MED20: variants seen among roughly 807,000 people sequenced by gnomAD.
The protein encoded by MED20 is mediator of RNA polymerase II transcription subunit 20.
MED20 carries 19 observed loss-of-function variants against 19.7 expected under a neutral mutation model. The ratio of observed to expected loss-of-function variants is 0.96; its 90% CI spans 0.67 to 1.42. The LOEUF is 1.42. MED20 is among the 40% of genes most tolerant of loss of function. The pLI is 0.00. For missense variants in MED20, 225 were observed against 273.0 expected, an observed-to-expected ratio of 0.82 and a Z score of 1.24; for synonymous variants, 105 against 104.8, an observed-to-expected ratio of 1.00 and a Z score of -0.01.
At chr6:41,914,428 G>A (rs927715854) in intron 2 of MED20, among the ~76,000 whole-genome samples, 1 of 152,216 alleles carries the variant, frequency 6.6e-6, no homozygotes, top group Non-Finnish European at 1.5e-5. Flanking sequence ...AGGGAAACAG[G>A]TACATGAGTG....
intron 1 of MED20, 164 bp downstream of exon 1, chr6:41,920,841 A>AG (rs1252836129): frequency 2.5e-6 from 2 of 787,258 alleles, no homozygotes; most frequent in Non-Finnish European, 3.8e-6. Context: ...CGCATCTCTG[A>AG]GGAAACAAGC....
At chr6:41,919,107 C>A (rs1393180277) in intron 1 of MED20, among the ~76,000 whole-genome samples, 1 of 119,976 alleles carries the variant, frequency 8.3e-6, no homozygotes, top group African/African-American at 3.4e-5. Flanking sequence ...CCAGCCTGGG[C>A]AACAGAGTGA....
At position 41,906,792 on chromosome 6, in the gene MED20, G is replaced by A. The variant is rs1775059260; in HGVS notation, c.*280C>T. On this transcript the variant is annotated 3_prime_UTR_variant, in exon 4 of 4. Coordinates refer to ENST00000265350, the MANE Select transcript of MED20 (RefSeq NM_004275.5). ...CTGTCCTACCTTTCCCCTAAAGGAG[G>A]CAAGGTCCAAACTTCTCCACTCTTC... is the stretch of plus-strand genomic sequence containing the variant. The A allele has an allele frequency of 7.3e-6, 3 of 411,500 alleles. No individual in the cohort carries two copies. The highest frequency in any genetic ancestry group is 7.9e-5 in the East Asian group (2 of 25,204). The allele number at this position is 411,500 out of a possible 1,614,324, so 25.5% of individuals were successfully genotyped here. A position where few individuals can be genotyped will look rare whatever the true frequency, so the allele number is the denominator to read the frequency against.
chr6:41,919,424 G>C (rs1292899267), intron 1 of MED20, among the ~76,000 whole-genome samples: 1 of 152,180 alleles, frequency 6.6e-6, no homozygotes, highest in East Asian at 1.9e-4. Context: ...TCAACTAAAT[G>C]AATCTATTAA....
chr6:41,920,484 C>T (rs1006098804), intron 1 of MED20, among the ~76,000 whole-genome samples: 4 of 152,190 alleles, frequency 2.6e-5, no homozygotes, highest in African/African-American at 9.7e-5. Flanking sequence ...GCAGGCAGTA[C>T]TATGGCCTCA....
rs754701496 is a variant in MED20 at position 41,907,304 on chromosome 6, C to T, written c.424-17G>A. 4 of 1,599,692 alleles carry T rather than the reference C, an allele frequency of 2.5e-6. No homozygotes were observed. Among genetic ancestry groups the T allele is most frequent in the Non-Finnish European group, 3.4e-6 (4 of 1,172,654 alleles). ...ATACTCCACCTGGGAACCAAAAGCA[C>T]AGAGAATGAGGGTGAATGAAGGCTA... is the stretch of plus-strand genomic sequence containing the variant. On this transcript the variant is annotated splice_polypyrimidine_tract_variant and intron_variant, in intron 3 of 3. Coordinates refer to ENST00000265350, the MANE Select transcript of MED20 (RefSeq NM_004275.5).
chr6:41,918,551 C>T (rs1775374551), intron 1 of MED20, among the ~76,000 whole-genome samples: 1 of 151,960 alleles, frequency 6.6e-6, no homozygotes, highest in Non-Finnish European at 1.5e-5. Flanking sequence ...CGGTGGCTCA[C>T]GCCTGTAATC....
rs950289166 is a variant in MED20 at position 41,905,359 on chromosome 6, T to C, written c.*1713A>G. The C allele has an allele frequency of 1.3e-5, 2 of 152,186 alleles. No individual in the cohort carries two copies. Among genetic ancestry groups the C allele is most frequent in the Non-Finnish European group, 2.9e-5 (2 of 68,024 alleles). The allele number at this position is 152,186 out of a possible 1,614,324, so 9.4% of individuals were successfully genotyped here. ...AAATCAGGAGGCCAAAAAGGTAAGA[T>C]CTGTGCGTTTTATTTTTGTAAACTA... On this transcript the variant is annotated 3_prime_UTR_variant, in exon 4 of 4. Coordinates refer to ENST00000265350, the MANE Select transcript of MED20 (RefSeq NM_004275.5).
intron 2 of MED20, among the ~76,000 whole-genome samples, chr6:41,909,769 A>C (rs553532699): frequency 6.6e-6 from 1 of 152,328 alleles, no homozygotes; most frequent in Non-Finnish European, 1.5e-5. Flanking sequence ...GCACACAGGG[A>C]ACTTTAATAG....
At chr6:41,914,022 A>C (rs765358226) in intron 2 of MED20, among the ~76,000 whole-genome samples, 1 of 152,222 alleles carries the variant, frequency 6.6e-6, no homozygotes, top group Non-Finnish European at 1.5e-5. Context: ...CTGTACTGGG[A>C]AGAGTCCAAA....
At chr6:41,912,199 CTTTT>C (rs887419565) in intron 2 of MED20, among the ~76,000 whole-genome samples, 2 of 119,276 alleles carry the variant, frequency 1.7e-5, no homozygotes, top group East Asian at 4.6e-4. Context: ...CCATGCCCAC[CTTTT>C]TTTTTTTTTT....
intron 2 of MED20, among the ~76,000 whole-genome samples, chr6:41,911,234 T>A (rs1031732485): frequency 6.7e-6 from 1 of 149,656 alleles, no homozygotes; most frequent in Non-Finnish European, 1.5e-5. Flanking sequence ...CACTGCAACC[T>A]CCACCTCTTA....
At position 41,916,878 on chromosome 6, in the gene MED20, G is replaced by A. The variant is rs148167617; in HGVS notation, c.76C>T (p.Arg26Trp). 61 of 1,613,886 alleles carry A rather than the reference G, an allele frequency of 3.8e-5. No homozygotes were observed. Among genetic ancestry groups the A allele is most frequent in the Middle Eastern group, 3.3e-4 (2 of 6,084 alleles). Residue 26 changes from arginine (R) to tryptophan (W), a missense_variant, in exon 2 of 4, where the codon CGG (arginine) becomes TGG (tryptophan). By Grantham distance (101) the Arg-to-Trp change is moderately radical. Coordinates refer to ENST00000265350, the MANE Select transcript of MED20 (RefSeq NM_004275.5). The stretch of plus-strand genomic sequence containing the variant: ...TCTGCCCCAAGCATCTCCAATTTCC[G>A]GGTAAGGAGCTCTACGGTTTGCTGA... ...SVQQTVELLT[R>W]KLEMLGAEKQ...
Position 41,906,852 on chromosome 6 carries a change from T to A in MED20, c.*220A>T, listed in dbSNP as rs958188891. 5 of 547,830 alleles carry A rather than the reference T, an allele frequency of 9.1e-6. No individual in the cohort carries two copies. The highest frequency in any genetic ancestry group is 9.7e-4 in the Middle Eastern group (2 of 2,072). 33.9% of individuals were successfully genotyped at this position (547,830 alleles called of 1,614,324 possible). ...ATTCTTGAGGACAGGCCAAATCCAG[T>A]AAGGCACGGAGTAAAACAGCTGATG... On this transcript the variant is annotated 3_prime_UTR_variant, in exon 4 of 4. Coordinates refer to ENST00000265350, the MANE Select transcript of MED20 (RefSeq NM_004275.5).
chr6:41,917,976 C>G, intron 1 of MED20: 1 of 268,166 alleles, frequency 3.7e-6, no homozygotes, highest in Non-Finnish European at 8.4e-6. Flanking sequence ...TGAGAGGCAA[C>G]AGTATTCACG....
chr6:41,906,992 G>A lies in MED20; in HGVS notation c.*80C>T, dbSNP rs1054831421. The A allele has an allele frequency of 5.3e-6, 7 of 1,327,870 alleles. No homozygotes were observed. The highest frequency in any genetic ancestry group is 1.8e-5 in the Admixed American group (1 of 56,046). 82.3% of individuals were successfully genotyped at this position (1,327,870 alleles called of 1,614,324 possible). ...TCCATGTCTACCCTGGGTTTCTGGG[G>A]TCCAGGGACCTGAAAGTCAGCACCT... On this transcript the variant is annotated 3_prime_UTR_variant, in exon 4 of 4. Transcript: ENST00000265350.
intron 1 of MED20, among the ~76,000 whole-genome samples, chr6:41,919,327 CG>C (rs1463519907): frequency 1.3e-5 from 2 of 151,790 alleles, no homozygotes; most frequent in Non-Finnish European, 2.9e-5. Flanking sequence ...TAAGGAAAAT[CG>C]ATTAAAAAAT....
At chr6:41,917,060 T>G (rs1045343216) in intron 1 of MED20, 121 bp from the exon 2 acceptor site, 6 of 1,036,112 alleles carry the variant, frequency 5.8e-6, no homozygotes, top group Middle Eastern at 3.4e-4. Flanking sequence ...AATTACCTAC[T>G]CTGACCGTCT....
chr6:41,919,471 C>CT (rs1190024568), intron 1 of MED20, among the ~76,000 whole-genome samples: 1 of 152,152 alleles, frequency 6.6e-6, no homozygotes, highest in Admixed American at 6.5e-5. Context: ...TGTCACTACT[C>CT]TATCAGAAAA....
Sources: allele counts gnomAD v4.1 joint callset (sites outside exome capture counted in the v4.1 genomes callset), GRCh38; gene constraint gnomAD v4.1.1; transcripts MANE v1.5; gene names NCBI Gene and HGNC (gene_info 2026-07-23, HGNC 2026-07-21).